Variants in ATP6V1B1 observed in about 807,000 individuals in gnomAD.
ATP6V1B1 encodes ATPase H+ transporting V1 subunit B1.
Under a neutral mutation model 62.1 loss-of-function variants are expected in ATP6V1B1, and 41 were observed. The ratio of observed to expected loss-of-function variants is 0.66; its 90% CI spans 0.51 to 0.86. The LOEUF (loss-of-function observed/expected upper bound fraction) is 0.86. ATP6V1B1 is among the 40% of genes least tolerant of loss of function. The pLI is 0.00. For synonymous variants in ATP6V1B1, 253 were observed against 273.4 expected, an observed-to-expected ratio of 0.93 and a Z score of 0.74; for missense variants, 651 against 697.5, an observed-to-expected ratio of 0.93 and a Z score of 0.75.
At position 70,959,330 on chromosome 2, in the gene ATP6V1B1, C is replaced by A. The variant is rs1249056739; in HGVS notation, c.445+235C>A. On this transcript the variant is annotated intron_variant, in intron 5 of 13. Coordinates refer to ENST00000234396, the MANE Select transcript of ATP6V1B1 (RefSeq NM_001692.4). The surrounding 1 kb of genome is among the most constrained non-coding windows in gnomAD (Gnocchi z 4.2). ...CCACGCCTGCCCGAAGGCCATCATGCCCCTGCCTTTGGCTTCCTGTCCACA... is the reference window on the plus strand; with the variant it reads ...CCACGCCTGCCCGAAGGCCATCATGACCCTGCCTTTGGCTTCCTGTCCACA... 6.6e-6 allele frequency among the ~76,000 whole-genome samples: 1 copy of A among 152,264 alleles called. No homozygotes were observed. Among genetic ancestry groups the A allele is most frequent in the Non-Finnish European group, 1.5e-5 (1 of 68,046 alleles).
At position 70,941,138 on chromosome 2, in the gene ATP6V1B1, G is replaced by A. The variant is rs7602694; in HGVS notation, c.119-2520G>A. ...TCACCATATTGCCCAGGCTGGTCTC[G>A]AACTCCTGGGCTCAAGTGATCCACC... On this transcript the variant is annotated intron_variant, in intron 1 of 13. Coordinates refer to ENST00000234396, the MANE Select transcript of ATP6V1B1 (RefSeq NM_001692.4). 5,913 of 561,864 alleles carry A rather than the reference G, an allele frequency of 0.011. 302 individuals carry two copies. The African/African-American group carries it at 0.11, about 10-fold the overall frequency. The allele number at this position is 561,864 out of a possible 1,614,324, so 34.8% of individuals were successfully genotyped here.
intron 2 of ATP6V1B1, 21 bp downstream of exon 2, chr2:70,943,734 C>G: frequency 6.2e-7 from 1 of 1,613,098 alleles, no homozygotes. Context: ...TCTGCTGCCT[C>G]CCTGGCACTA....
intron 1 of ATP6V1B1, among the ~76,000 whole-genome samples, chr2:70,938,040 G>A (rs919774192): frequency 6.6e-6 from 1 of 152,104 alleles, no homozygotes; most frequent in South Asian, 2.1e-4. Context: ...GTCAGTGCAG[G>A]GGAGCCCCTC....
At position 70,959,309 on chromosome 2, in the gene ATP6V1B1, G is replaced by A. The variant is rs1173437510; in HGVS notation, c.445+214G>A. Among the ~76,000 whole-genome samples, 4 of 152,198 alleles carry A rather than the reference G, an allele frequency of 2.6e-5. No homozygotes were observed. The highest frequency in any genetic ancestry group is 6.5e-5 in the Admixed American group (1 of 15,284). ...CCATCATCATTGGGCAGTGTTCCAC[G>A]CCTGCCCGAAGGCCATCATGCCCCT... is the stretch of plus-strand genomic sequence containing the variant. On this transcript the variant is annotated intron_variant, in intron 5 of 13. Transcript: ENST00000234396. This position sits in a 1 kb window ranked among gnomAD's most constrained non-coding sequence, Gnocchi z 4.2.
At position 70,959,020 on chromosome 2, in the gene ATP6V1B1, C is replaced by T. The variant is rs727505222; in HGVS notation, c.370C>T (p.Arg124Trp). The change falls in exon 5 of 14, where the codon CGG (arginine) becomes TGG (tryptophan). Residue 124 changes from arginine to tryptophan, a missense_variant and splice_region_variant. Arg to Trp is a moderately radical substitution (Grantham distance 101). Transcript: ENST00000234396. The surrounding 1 kb of genome is among the most constrained non-coding windows in gnomAD (Gnocchi z 4.2). ...CAACACTCCTCGTCCACCCTCAGGT[C>T]GGGTTTTCAATGGCTCCGGCAAGCC... ...RTPVSEDMLG[R>W]VFNGSGKPID... 86 of 1,613,922 alleles carry T rather than the reference C, an allele frequency of 5.3e-5. No homozygotes were observed. Among genetic ancestry groups the T allele is most frequent in the East Asian group, 8.9e-5 (4 of 44,870 alleles).
rs74554978 is a variant in ATP6V1B1, at chr2:70,963,525, G to A, written c.1061-47G>A. The A allele has an allele frequency of 0.056, 89,783 of 1,594,178 alleles. 2,881 individuals are homozygous for A. Among genetic ancestry groups the A allele is most frequent in the Non-Finnish European group, 0.066 (76,134 of 1,161,994 alleles). ...GACCCCAGGTGGCCCTGAGTGGTTG[G>A]AGACCTGGGCCCCCACCCACACTGA... On this transcript the variant is annotated intron_variant, in intron 10 of 13. Transcript: ENST00000234396. The surrounding 1 kb of genome is among the most constrained non-coding windows in gnomAD (Gnocchi z 4.3).
intron 1 of ATP6V1B1, chr2:70,942,561 G>C (rs1284961798): frequency 2.5e-6 from 1 of 395,822 alleles, no homozygotes; most frequent in African/African-American, 2.1e-5. Context: ...CCCAAAGCAA[G>C]AGGGTAAGTG....
intron 2 of ATP6V1B1, among the ~76,000 whole-genome samples, chr2:70,946,540 T>A (rs149898191): frequency 6.6e-6 from 1 of 152,330 alleles, no homozygotes; most frequent in Non-Finnish European, 1.5e-5. Context: ...GGTGAACTGA[T>A]GCTCAAGTTA....
intron 7 of ATP6V1B1, 95 bp from the exon 8 acceptor site, chr2:70,961,501 C>T: frequency 2.3e-6 from 3 of 1,282,822 alleles, no homozygotes; most frequent in East Asian, 4.6e-5. Context: ...GGTAGCTGGT[C>T]AGTCCACAGG....
At position 70,963,628 on chromosome 2, in the gene ATP6V1B1, G is replaced by A. The variant is rs782417797; in HGVS notation, c.1117G>A (p.Val373Met). 9.9e-6 allele frequency: 16 copies of A among 1,614,070 alleles called. No individual in the cohort carries two copies. Among genetic ancestry groups the A allele is most frequent in the African/African-American group, 6.7e-5 (5 of 74,912 alleles). The change falls in exon 11 of 14, where the codon GTG becomes ATG. Residue 373 changes from valine (V) to methionine (M), a missense_variant. Physicochemically the swap from Val to Met is conservative, Grantham distance 21 (BLOSUM62 1). Transcript: ENST00000234396. The surrounding 1 kb of genome is among the most constrained non-coding windows in gnomAD (Gnocchi z 4.3). ...TGFITEGQIY[V>M]DRQLHNRQIY... ...CTTCATCACAGAGGGACAGATCTACGTGGACAGACAGCTTCACAACAGACA... is the reference window on the plus strand; with the variant it reads ...CTTCATCACAGAGGGACAGATCTACATGGACAGACAGCTTCACAACAGACA...
Position 70,965,328 on chromosome 2 carries a change from T to C in ATP6V1B1, c.*207T>C. 1 of 691,834 alleles carries C rather than the reference T, an allele frequency of 1.4e-6. No individual in the cohort carries two copies. The highest frequency in any genetic ancestry group is 2.4e-6 in the Non-Finnish European group (1 of 419,464). 42.9% of individuals were successfully genotyped at this position (691,834 alleles called of 1,614,324 possible). The stretch of plus-strand genomic sequence containing the variant: ...ATGCCTCCCCCTCGACTCCCGGTGC[T>C]GCGGAAGAACTGAAGGTTGCGATGC... On this transcript the variant is annotated 3_prime_UTR_variant, in exon 14 of 14. Coordinates refer to ENST00000234396, the MANE Select transcript of ATP6V1B1 (RefSeq NM_001692.4).
In ATP6V1B1 at chr2:70,951,625, C is replaced by T. The variant is rs951088927; in HGVS notation, c.175-6421C>T. On this transcript the variant is annotated intron_variant, in intron 2 of 13. Transcript: ENST00000234396. ...ACCACCTTTAAAAAAATAGAACACTCGGCCAGGCGCGGTGGCTCATGCCTG... is the reference window on the plus strand; with the variant it reads ...ACCACCTTTAAAAAAATAGAACACTTGGCCAGGCGCGGTGGCTCATGCCTG... Among the ~76,000 whole-genome samples the T allele has an allele frequency of 5.9e-5, 9 of 152,210 alleles. No homozygotes were observed. The East Asian group carries it at 1.2e-3, about 20-fold the overall frequency.
chr2:70,951,036 C>T (rs1033240639), intron 2 of ATP6V1B1, among the ~76,000 whole-genome samples: 1 of 150,564 alleles, frequency 6.6e-6, no homozygotes, highest in Non-Finnish European at 1.5e-5. Flanking sequence ...TCCAGCTCCC[C>T]GGTTCAAGCG....
At chr2:70,945,699 G>T (rs1181428523) in intron 2 of ATP6V1B1, among the ~76,000 whole-genome samples, 6 of 70,108 alleles carry the variant, frequency 8.6e-5, no homozygotes, top group Admixed American at 3.8e-4. Flanking sequence ...GCTATTTGAA[G>T]AGATATATAT....
In ATP6V1B1 at chr2:70,941,200, G is replaced by A. The variant is rs190163985; in HGVS notation, c.119-2458G>A. Reference sequence around the variant, plus strand: ...CCCAGAGTGCTGGGATTACAGGTGTGAGCCACTGTAGCTGTCCAAATATTT... The same window carrying A: ...CCCAGAGTGCTGGGATTACAGGTGTAAGCCACTGTAGCTGTCCAAATATTT... On this transcript the variant is annotated intron_variant, in intron 1 of 13. Transcript: ENST00000234396. The A allele has an allele frequency of 2.4e-4, 224 of 915,092 alleles. 2 individuals are homozygous for A. In the African/African-American group the frequency reaches 3.8e-3, roughly 15 times the overall value. 56.7% of individuals were successfully genotyped at this position (915,092 alleles called of 1,614,324 possible). A position where few individuals can be genotyped will look rare whatever the true frequency, so the allele number is the denominator to read the frequency against.
chr2:70,941,881 AC>A, intron 1 of ATP6V1B1: 1 of 986,752 alleles, frequency 1.0e-6, no homozygotes, highest in Non-Finnish European at 1.2e-6. Flanking sequence ...AGGACAGTGC[AC>A]CCAGGCTCTG....
In ATP6V1B1 at chr2:70,964,749, C is replaced by G; in HGVS notation, c.1262C>G (p.Ala421Gly). ...DVSNQLYACYAIGKDVQAMKA... is the reference protein window; with the variant it reads ...DVSNQLYACYGIGKDVQAMKA... ...CCCCTCCCCCAGTACGCCTGCTATGCCATCGGGAAGGACGTGCAGGCCATG... is the reference window on the plus strand; with the variant it reads ...CCCCTCCCCCAGTACGCCTGCTATGGCATCGGGAAGGACGTGCAGGCCATG... Residue 421 changes from alanine to glycine, a missense_variant, in exon 13 of 14, where the codon GCC becomes GGC. Ala to Gly is a moderately conservative substitution (Grantham distance 60, BLOSUM62 0). Transcript: ENST00000234396. The G allele has an allele frequency of 6.2e-7, 1 of 1,613,950 alleles. No homozygotes were observed. Among genetic ancestry groups the G allele is most frequent in the Non-Finnish European group, 8.5e-7 (1 of 1,180,034 alleles).
chr2:70,962,809 T>C lies in ATP6V1B1; in HGVS notation c.818T>C (p.Leu273Pro). Residue 273 changes from leucine to proline, a missense_variant, in exon 9 of 14, where the codon CTG (leucine) becomes CCG (proline). Leu to Pro is a moderately conservative substitution (Grantham distance 98). Coordinates refer to ENST00000234396, the MANE Select transcript of ATP6V1B1 (RefSeq NM_001692.4). ...IERIITPRLA[L>P]TTAEFLAYQC... ...CGGATCATCACCCCGCGCCTGGCGC[T>C]GACCACTGCTGAATTCCTTGCCTAC... 2 of 1,614,162 alleles carry C rather than the reference T, an allele frequency of 1.2e-6. No homozygotes were observed. The highest frequency in any genetic ancestry group is 1.7e-6 in the Non-Finnish European group (2 of 1,180,026).
At chr2:70,942,537 C>T (rs1217175692) in intron 1 of ATP6V1B1, 2 of 396,284 alleles carry the variant, frequency 5.0e-6, no homozygotes, top group Non-Finnish European at 8.9e-6. Context: ...TGGGGTGGCT[C>T]GGGGCCAGGC....
Sources: gnomAD v4.1 joint callset for allele counts (sites outside exome capture counted in the v4.1 genomes callset) on GRCh38, gnomAD v4.1.1 for gene constraint, Gnocchi (gnomAD v3.1) non-coding constraint, MANE v1.5 for transcripts, NCBI Gene and HGNC (gene_info 2026-07-23, HGNC 2026-07-21) for gene names.